Variants in PXDNL observed in about 807,000 individuals in gnomAD.
PXDNL encodes probable oxidoreductase PXDNL.
PXDNL carries 145 observed loss-of-function variants against 150.8 expected under a neutral mutation model. The observed-to-expected ratio is 0.96, with a 90% confidence interval of 0.84 to 1.10. The LOEUF is 1.10. Among genes scored for constraint, PXDNL ranks in the 50% least tolerant of loss-of-function variants. The pLI is 0.00. For synonymous variants in PXDNL, 757 were observed against 725.7 expected, an observed-to-expected ratio of 1.04 and a Z score of -0.69; for missense variants, 2,087 against 1,873.9, an observed-to-expected ratio of 1.11 and a Z score of -2.10.
chr8:51,320,664 T>A (rs1426643579), intron 22 of PXDNL, 120 bp downstream of exon 22: 1 of 712,494 alleles, frequency 1.4e-6, no homozygotes, highest in Non-Finnish European at 2.3e-6. Flanking sequence ...ATCTTAAAAA[T>A]ATGCCTAGAA....
chr8:51,425,109 C>T (rs1455884855), intron 13 of PXDNL, among the ~76,000 whole-genome samples: 1 of 152,214 alleles, frequency 6.6e-6, no homozygotes, highest in Admixed American at 6.5e-5. Flanking sequence ...CTCCCTTCTC[C>T]TCACCTATTG....
chr8:51,711,012 G>A (rs1816486531), intron 1 of PXDNL, among the ~76,000 whole-genome samples: 1 of 152,080 alleles, frequency 6.6e-6, no homozygotes, highest in Non-Finnish European at 1.5e-5. Context: ...TGAAAATCCA[G>A]AGAAATCAGG....
chr8:51,607,854 G>GGA (rs1813870896), intron 2 of PXDNL, among the ~76,000 whole-genome samples: 6 of 72,600 alleles, frequency 8.3e-5, no homozygotes, highest in African/African-American at 4.0e-4. Context: ...AAAAGGAAGA[G>GGA]AGGAAGGAAG....
At chr8:51,502,990 A>T (rs1811218878) in intron 4 of PXDNL, among the ~76,000 whole-genome samples, 2 of 152,222 alleles carry the variant, frequency 1.3e-5, no homozygotes, top group South Asian at 4.1e-4. Context: ...TCGATTTAAT[A>T]TTTAAATATT....
chr8:51,467,983 T>C (rs1170498296), intron 8 of PXDNL, among the ~76,000 whole-genome samples: 2 of 152,058 alleles, frequency 1.3e-5, no homozygotes, highest in Non-Finnish European at 1.5e-5. Flanking sequence ...AAAATTATCT[T>C]GACAAATGGC....
chr8:51,404,606 C>T (rs1234444517), intron 17 of PXDNL, among the ~76,000 whole-genome samples: 1 of 151,494 alleles, frequency 6.6e-6, no homozygotes, highest in African/African-American at 2.4e-5. Context: ...CTAATTGGTG[C>T]ATTCACAAAC....
chr8:51,332,446 G>C (rs1172048763), intron 21 of PXDNL, among the ~76,000 whole-genome samples: 5 of 152,016 alleles, frequency 3.3e-5, no homozygotes, highest in African/African-American at 1.2e-4. Context: ...AATCACACTA[G>C]TTCACCAGCA....
At chr8:51,377,834 G>T (rs766330497) in intron 17 of PXDNL, among the ~76,000 whole-genome samples, 1 of 152,180 alleles carries the variant, frequency 6.6e-6, no homozygotes. Flanking sequence ...CCAGCCTCCC[G>T]GAGGAGCGCC....
At chr8:51,356,436 C>T (rs971466488) in intron 19 of PXDNL, among the ~76,000 whole-genome samples, 1 of 151,154 alleles carries the variant, frequency 6.6e-6, no homozygotes. Flanking sequence ...TTGCAGTGAG[C>T]CGAGATTGCC....
chr8:51,748,726 T>C (rs2130971302), intron 1 of PXDNL, among the ~76,000 whole-genome samples: 1 of 152,314 alleles, frequency 6.6e-6, no homozygotes, highest in African/African-American at 2.4e-5. Context: ...CACCCAAGTG[T>C]CCAGAAGCCC....
At chr8:51,696,843 CCTG>C (rs1816154460) in intron 1 of PXDNL, among the ~76,000 whole-genome samples, 1 of 168 alleles carries the variant, frequency 6.0e-3, no homozygotes, top group Non-Finnish European at 0.016. Flanking sequence ...ACACACAGGT[CCTG>C]ACACACACAC....
At chr8:51,530,925 C>T (rs1164042131) in intron 4 of PXDNL, among the ~76,000 whole-genome samples, 1 of 152,150 alleles carries the variant, frequency 6.6e-6, no homozygotes, top group Non-Finnish European at 1.5e-5. Context: ...TGATTGATTT[C>T]CAGTGCCTAG....
intron 1 of PXDNL, among the ~76,000 whole-genome samples, chr8:51,692,340 T>C (rs1035416239): frequency 7.0e-6 from 1 of 143,850 alleles, no homozygotes; most frequent in Non-Finnish European, 1.5e-5. Context: ...AATATTAAAT[T>C]ATTTGAATAT....
Position 51,409,022 on chromosome 8 carries a change from C to G in PXDNL, c.2602G>C (p.Ala868Pro). 1 of 1,610,826 alleles carries G rather than the reference C, an allele frequency of 6.2e-7. No individual in the cohort carries two copies. The highest frequency in any genetic ancestry group is 1.7e-5 in the Admixed American group (1 of 60,004). ...GCAGAGGGACGGCCGCTGGCACACG[C>G]GGGGCTGGAGCGCGCGAAGAGCATG... The part of the protein sequence containing the change: ...PCMLFARSSP[A>P]CASGRPSATV... The change falls in exon 17 of 23, where the codon GCG becomes CCG. Residue 868 changes from alanine to proline, a missense_variant. Ala to Pro is a conservative substitution (Grantham distance 27). Transcript: ENST00000356297.
chr8:51,744,196 GAA>G (rs1253983574), intron 1 of PXDNL, among the ~76,000 whole-genome samples: 17 of 134,354 alleles, frequency 1.3e-4, no homozygotes, highest in African/African-American at 4.8e-4. Context: ...AAGAGAGAAA[GAA>G]AAAAGAAAAG....
intron 1 of PXDNL, among the ~76,000 whole-genome samples, chr8:51,694,917 C>T (rs1816084405): frequency 6.6e-6 from 1 of 152,182 alleles, no homozygotes; most frequent in Admixed American, 6.5e-5. Context: ...TGTTTAAGCT[C>T]TGAGACTTCT....
chr8:51,416,111 C>T (rs1563402728), intron 14 of PXDNL, among the ~76,000 whole-genome samples: 1 of 152,128 alleles, frequency 6.6e-6, no homozygotes, highest in Admixed American at 6.6e-5. Context: ...TTTTGGACCT[C>T]AAATATAGAA....
intron 5 of PXDNL, among the ~76,000 whole-genome samples, chr8:51,498,769 A>C (rs1585527740): frequency 6.6e-6 from 1 of 152,318 alleles, no homozygotes; most frequent in East Asian, 1.9e-4. Flanking sequence ...GCACCATTCA[A>C]CTTCTCAATA....
At position 51,441,085 on chromosome 8, in the gene PXDNL, T is replaced by C. The variant is rs374982795; in HGVS notation, c.1525+5919A>G. Among the ~76,000 whole-genome samples the C allele has an allele frequency of 5.3e-5, 8 of 152,232 alleles. No individual in the cohort carries two copies. In the East Asian group the frequency reaches 9.7e-4, roughly 18 times the overall value. On this transcript the variant is annotated intron_variant, in intron 12 of 22. Transcript: ENST00000356297. ...GGACTGGGTGGAGATAATTGAATCA[T>C]GGGGGTGGTTTCTGCCATACTGTTC... is the stretch of plus-strand genomic sequence containing the variant.
Sources: allele counts gnomAD v4.1 joint callset (sites outside exome capture counted in the v4.1 genomes callset), GRCh38; gene constraint gnomAD v4.1.1; transcripts MANE v1.5; gene names NCBI Gene and HGNC (gene_info 2026-07-23, HGNC 2026-07-21).